RBFOX1: variants seen among roughly 807,000 people sequenced by gnomAD.
RBFOX1 encodes the protein RNA binding protein fox-1 homolog 1.
A neutral mutation model predicts 57.7 loss-of-function variants in RBFOX1; 8 were observed. The observed-to-expected ratio is 0.14, with a 90% CI of 0.08 to 0.25. RBFOX1 has a LOEUF of 0.25. Ranked by LOEUF, RBFOX1 falls within the 10% of genes least tolerant of loss-of-function variation. The pLI is 1.00. For missense variants in RBFOX1, 611 were observed against 548.5 expected (o/e 1.11, Z -1.14); for synonymous variants, 326 against 222.4 (o/e 1.47, Z -4.15).
intron 1 of RBFOX1, among the ~76,000 whole-genome samples, chr16:5,292,324 A>C (rs1173816776): frequency 1.3e-5 from 2 of 152,212 alleles, no homozygotes; most frequent in African/African-American, 4.8e-5. Flanking sequence ...TTGTGCAGTG[A>C]AGGAAAAGTT....
chr16:5,423,250 G>A (rs1474880989), intron 1 of RBFOX1, among the ~76,000 whole-genome samples: 1 of 152,054 alleles, frequency 6.6e-6, no homozygotes, highest in Non-Finnish European at 1.5e-5. Flanking sequence ...CTATAGCCCA[G>A]TATCACTATC....
intron 2 of RBFOX1, among the ~76,000 whole-genome samples, chr16:6,434,812 T>A: frequency 6.6e-6 from 1 of 151,876 alleles, no homozygotes; most frequent in Non-Finnish European, 1.5e-5. Context: ...TCCAATGTAT[T>A]CTTCTCTTCC....
At chr16:6,868,936 C>G (rs556797559) in intron 3 of RBFOX1, among the ~76,000 whole-genome samples, 32 of 152,250 alleles carry the variant, frequency 2.1e-4, no homozygotes, top group Middle Eastern at 3.4e-3. Context: ...TTTTCTAGCC[C>G]TTGCCTTAGA....
At chr16:5,560,050 A>G (rs1386060) in intron 2 of RBFOX1, among the ~76,000 whole-genome samples, 63,406 of 152,032 alleles carry the variant, frequency 0.42, 13,500 homozygotes, top group Admixed American at 0.49. Flanking sequence ...ACCTATTGCT[A>G]TATTCCCAGA....
At chr16:6,646,293 A>G (rs1265202715) in intron 2 of RBFOX1, among the ~76,000 whole-genome samples, 1 of 152,162 alleles carries the variant, frequency 6.6e-6, no homozygotes, top group African/African-American at 2.4e-5. Flanking sequence ...GTTCAGAAGC[A>G]AATGCAGTCC....
intron 3 of RBFOX1, among the ~76,000 whole-genome samples, chr16:5,861,156 C>T (rs1363635221): frequency 1.3e-5 from 2 of 152,140 alleles, no homozygotes; most frequent in Non-Finnish European, 2.9e-5. Context: ...GATTTCCTAT[C>T]ATGGAACCAT....
At chr16:6,816,086 T>C (rs890750594) in intron 3 of RBFOX1, among the ~76,000 whole-genome samples, 2 of 152,104 alleles carry the variant, frequency 1.3e-5, no homozygotes, top group African/African-American at 4.8e-5. Context: ...GGCAGGAGGA[T>C]TGCTTGAGCT....
intron 14 of RBFOX1, among the ~76,000 whole-genome samples, chr16:7,705,567 T>C (rs907465307): frequency 6.6e-6 from 1 of 152,098 alleles, no homozygotes; most frequent in African/African-American, 2.4e-5. Flanking sequence ...GGAAGGAAGA[T>C]GAAGATTGAA....
At chr16:6,864,025 A>C (rs2059486331) in intron 3 of RBFOX1, among the ~76,000 whole-genome samples, 1 of 150,734 alleles carries the variant, frequency 6.6e-6, no homozygotes, top group African/African-American at 2.4e-5. Flanking sequence ...TGCCTTGCAA[A>C]ACCTCTAATT....
chr16:7,206,552 C>G (rs1285399659), intron 4 of RBFOX1, among the ~76,000 whole-genome samples: 1 of 151,792 alleles, frequency 6.6e-6, no homozygotes, highest in Admixed American at 6.6e-5. Context: ...TGCTGCAATA[C>G]CATTCCCTCT....
In RBFOX1 at chr16:6,450,744, T is replaced by C. The variant is rs550039364; in HGVS notation, c.-64+133687T>C. ...GGTGGTGGCAGGGGAATAAATTTTA[T>C]ATATATATACATATATATATGTGTA... On this transcript the variant is annotated intron_variant, in intron 2 of 15. Coordinates refer to ENST00000550418, the MANE Select transcript of RBFOX1 (RefSeq NM_018723.4). 8.8e-5 allele frequency among the ~76,000 whole-genome samples: 7 copies of C among 79,368 alleles called. 1 individual carries two copies. The highest frequency in any genetic ancestry group is 1.8e-4 in the Non-Finnish European group (7 of 38,468). 52.1% of individuals were successfully genotyped at this position (79,368 alleles called of 152,430 possible). A position where few individuals can be genotyped will look rare whatever the true frequency, so the allele number is the denominator to read the frequency against.
At chr16:6,753,896 C>G (rs924768204) in intron 3 of RBFOX1, among the ~76,000 whole-genome samples, 2 of 152,088 alleles carry the variant, frequency 1.3e-5, no homozygotes, top group Non-Finnish European at 2.9e-5. Flanking sequence ...GTCATAAAAT[C>G]ATTCCCACCA....
chr16:6,759,521 G>A (rs1038060090), intron 3 of RBFOX1, among the ~76,000 whole-genome samples: 2 of 119,780 alleles, frequency 1.7e-5, no homozygotes, highest in Non-Finnish European at 1.9e-5. Flanking sequence ...GTGTGTGTGT[G>A]TATTTTCAGT....
chr16:6,937,445 T>C (rs1194765373), intron 3 of RBFOX1, among the ~76,000 whole-genome samples: 1 of 152,134 alleles, frequency 6.6e-6, no homozygotes, highest in African/African-American at 2.4e-5. Context: ...CAGATGTCAA[T>C]GAAAAGAGTC....
intron 3 of RBFOX1, among the ~76,000 whole-genome samples, chr16:7,034,989 AGGT>A (rs906933162): frequency 6.6e-6 from 1 of 150,432 alleles, no homozygotes; most frequent in Non-Finnish European, 1.5e-5. Context: ...CTGGGCCTAC[AGGT>A]GCCCACCACC....
chr16:6,780,549 TATATTTAC>T (rs1198611950), intron 3 of RBFOX1, among the ~76,000 whole-genome samples: 12 of 128,036 alleles, frequency 9.4e-5, no homozygotes, highest in African/African-American at 1.9e-4. Flanking sequence ...CATTTACATA[TATATTTAC>T]ATATTTATAT....
intron 2 of RBFOX1, among the ~76,000 whole-genome samples, chr16:6,565,573 T>A (rs1000729600): frequency 6.6e-6 from 1 of 151,420 alleles, no homozygotes; most frequent in Admixed American, 6.6e-5. Flanking sequence ...TTCAAGCCGA[T>A]TCTCCTGCCT....
chr16:6,034,831 G>A (rs1408293989), intron 1 of RBFOX1, among the ~76,000 whole-genome samples: 2 of 152,098 alleles, frequency 1.3e-5, no homozygotes, highest in Admixed American at 6.5e-5. Flanking sequence ...CCTGTTTCAG[G>A]ATGGGGATGT....
chr16:5,900,856 A>C (rs956342399), intron 4 of RBFOX1, among the ~76,000 whole-genome samples: 1 of 152,160 alleles, frequency 6.6e-6, no homozygotes, highest in Admixed American at 6.6e-5. Flanking sequence ...CCGGCCCCAG[A>C]GCCCCTATTC....
Sources: allele counts gnomAD v4.1 joint callset (sites outside exome capture counted in the v4.1 genomes callset), GRCh38; gene constraint gnomAD v4.1.1; transcripts MANE v1.5; gene names NCBI Gene and HGNC (gene_info 2026-07-23, HGNC 2026-07-21).